RNF217: variants seen among roughly 807,000 people sequenced by gnomAD.
RNF217 encodes the protein ring finger protein 217, also known as E3 ubiquitin-protein ligase RNF217.
In RNF217, 31 loss-of-function variants were observed where a neutral mutation model predicts 57.8. The observed-to-expected ratio is 0.54, with a 90% CI of 0.40 to 0.72. The LOEUF (loss-of-function observed/expected upper bound fraction) is 0.72, where lower values mean the gene tolerates loss of function less well. RNF217 is among the 30% of genes least tolerant of loss of function. The pLI is 0.00. For missense variants in RNF217, 696 were observed against 708.3 expected, an observed-to-expected ratio of 0.98 and a Z score of 0.20; for synonymous variants, 313 against 294.0, an observed-to-expected ratio of 1.06 and a Z score of -0.66.
intron 2 of RNF217, among the ~76,000 whole-genome samples, chr6:125,047,953 G>T: frequency 6.6e-6 from 1 of 151,996 alleles, no homozygotes; most frequent in Non-Finnish European, 1.5e-5. Flanking sequence ...TAGAAGAGAA[G>T]ATCGATAACA....
rs1409782173 is a variant in RNF217 at position 125,086,292 on chromosome 6, A to G, written c.*3355A>G. The G allele has an allele frequency of 6.6e-6, 1 of 152,094 alleles. No individual in the cohort carries two copies. The highest frequency in any genetic ancestry group is 1.9e-4 in the East Asian group (1 of 5,172). 9.4% of individuals were successfully genotyped at this position (152,094 alleles called of 1,614,324 possible). On this transcript the variant is annotated 3_prime_UTR_variant, in exon 6 of 6. Coordinates refer to ENST00000521654, the MANE Select transcript of RNF217 (RefSeq NM_001286398.3). Reference sequence around the variant, plus strand: ...TGATTAGCCAAATAAATACCTTGCCAAAACTTACAATAGGAAATTTTTTTT... The same window carrying G: ...TGATTAGCCAAATAAATACCTTGCCGAAACTTACAATAGGAAATTTTTTTT...
chr6:125,049,175 T>C (rs1198312441), intron 2 of RNF217, among the ~76,000 whole-genome samples: 1 of 152,012 alleles, frequency 6.6e-6, no homozygotes, highest in African/African-American at 2.4e-5. Context: ...AAGTTAATGA[T>C]GGAGAAATAA....
At chr6:124,982,382 G>GA in intron 1 of RNF217, among the ~76,000 whole-genome samples, 1 of 152,156 alleles carries the variant, frequency 6.6e-6, no homozygotes, top group African/African-American at 2.4e-5. Flanking sequence ...CAACTTTACT[G>GA]AAAAATAGAA....
Position 125,089,978 on chromosome 6 carries a change from CTAGA to C in RNF217, c.*7044_*7047del, listed in dbSNP as rs1788885475. 6.6e-6 allele frequency: 1 copy of C among 151,840 alleles called. No homozygotes were observed. Among genetic ancestry groups the C allele is most frequent in the African/African-American group, 2.4e-5 (1 of 41,322 alleles). The allele number at this position is 151,840 out of a possible 1,614,324, so 9.4% of individuals were successfully genotyped here. ...TTTATGTTTCTTTATAATGAAAAGT[CTAGA>C]TAAAGTATCATAATTTCATTATCAG... is the stretch of plus-strand genomic sequence containing the variant. On this transcript the variant is annotated 3_prime_UTR_variant, in exon 6 of 6. Transcript: ENST00000521654.
chr6:124,983,258 T>C, intron 1 of RNF217: 1 of 569,938 alleles, frequency 1.8e-6, no homozygotes, highest in Non-Finnish European at 2.2e-6. Flanking sequence ...GAGCCACTGG[T>C]TTTAAAAGGC....
chr6:125,019,836 G>A (rs576608119), intron 1 of RNF217, among the ~76,000 whole-genome samples: 3 of 150,736 alleles, frequency 2.0e-5, no homozygotes, highest in East Asian at 2.0e-4. Flanking sequence ...TTTGCAGTGG[G>A]GGGGGAGTGA....
At chr6:125,066,469 C>G (rs1441787677) in intron 3 of RNF217, among the ~76,000 whole-genome samples, 1 of 152,158 alleles carries the variant, frequency 6.6e-6, no homozygotes, top group Non-Finnish European at 1.5e-5. Context: ...ATTCTCCCTT[C>G]TCAGGATCTC....
chr6:125,030,516 A>G (rs113095882), intron 1 of RNF217, among the ~76,000 whole-genome samples: 133 of 152,352 alleles, frequency 8.7e-4, no homozygotes, highest in African/African-American at 3.1e-3. Flanking sequence ...AATGGGAGCT[A>G]TTGGCCAAAA....
chr6:125,085,007 A>G lies in RNF217; in HGVS notation c.*2070A>G, dbSNP rs1416458101. The stretch of plus-strand genomic sequence containing the variant: ...TGAACTCTAAACCTAGCTGATCTGT[A>G]TATGTATGATGTATATATGTCATAT... On this transcript the variant is annotated 3_prime_UTR_variant, in exon 6 of 6. Transcript: ENST00000521654. 1.3e-5 allele frequency: 2 copies of G among 149,328 alleles called. No individual in the cohort carries two copies. Among genetic ancestry groups the G allele is most frequent in the African/African-American group, 2.4e-5 (1 of 41,266 alleles). 9.3% of individuals were successfully genotyped at this position (149,328 alleles called of 1,614,324 possible). A position where few individuals can be genotyped will look rare whatever the true frequency, so the allele number is the denominator to read the frequency against.
At chr6:125,045,529 G>C in intron 2 of RNF217, 85 bp downstream of exon 2, 1 of 945,808 alleles carries the variant, frequency 1.1e-6, no homozygotes, top group Non-Finnish European at 1.6e-6. Context: ...GCATTAAGGG[G>C]GCATCTTTCC....
At chr6:125,049,765 A>G (rs573804) in intron 2 of RNF217, among the ~76,000 whole-genome samples, 12,331 of 151,992 alleles carry the variant, frequency 0.081, 1,195 homozygotes, top group African/African-American at 0.23. Context: ...ATGGGGGAGT[A>G]AAAAAGAATA....
At chr6:125,019,803 C>G (rs1324219227) in intron 1 of RNF217, among the ~76,000 whole-genome samples, 1 of 149,750 alleles carries the variant, frequency 6.7e-6, no homozygotes, top group Non-Finnish European at 1.5e-5. Flanking sequence ...ATGTTGCCTG[C>G]TCTCTTGCTT....
chr6:125,055,193 T>G (rs1787476888), intron 2 of RNF217, among the ~76,000 whole-genome samples: 1 of 152,138 alleles, frequency 6.6e-6, no homozygotes, highest in Non-Finnish European at 1.5e-5. Flanking sequence ...CCAAAGCAAA[T>G]AAAGAGTGAT....
intron 3 of RNF217, among the ~76,000 whole-genome samples, chr6:125,069,777 T>A (rs1173264562): frequency 1.3e-5 from 2 of 152,204 alleles, no homozygotes; most frequent in African/African-American, 4.8e-5. Flanking sequence ...AAGCATTCCC[T>A]TTTCTTTGCA....
chr6:125,033,425 A>G (rs552195269), intron 1 of RNF217, among the ~76,000 whole-genome samples: 18 of 134,442 alleles, frequency 1.3e-4, no homozygotes, highest in African/African-American at 4.5e-4. Context: ...GTTCCCATCT[A>G]TGAGTGAGAA....
chr6:124,964,538 T>C (rs1212334431), intron 1 of RNF217, among the ~76,000 whole-genome samples: 1 of 152,308 alleles, frequency 6.6e-6, no homozygotes, highest in East Asian at 1.9e-4. Flanking sequence ...CTCCGTACCA[T>C]GTGATTCCTC....
At chr6:125,052,852 A>G (rs540975945) in intron 2 of RNF217, among the ~76,000 whole-genome samples, 27 of 152,246 alleles carry the variant, frequency 1.8e-4, no homozygotes, top group African/African-American at 5.8e-4. Flanking sequence ...TCTGACAGCC[A>G]TGATTTTTAC....
chr6:125,045,102 A>C, intron 1 of RNF217, 109 bp from the exon 2 acceptor site: 1 of 682,364 alleles, frequency 1.5e-6, no homozygotes, highest in Non-Finnish European at 2.5e-6. Context: ...AAAATTACAC[A>C]CAATCCTTTA....
intron 1 of RNF217, among the ~76,000 whole-genome samples, chr6:125,002,716 C>T (rs577853129): frequency 2.6e-5 from 4 of 152,252 alleles, no homozygotes; most frequent in African/African-American, 9.6e-5. Context: ...GTGTGATTTT[C>T]GTGCTGGCTT....
Sources: gnomAD v4.1 joint callset for allele counts (sites outside exome capture counted in the v4.1 genomes callset) on GRCh38, gnomAD v4.1.1 for gene constraint, MANE v1.5 for transcripts, NCBI Gene and HGNC (gene_info 2026-07-23, HGNC 2026-07-21) for gene names.